ZNF416: variants seen among roughly 807,000 people sequenced by gnomAD.
ZNF416 encodes the protein zinc finger protein 416.
In ZNF416, 5 loss-of-function variants were observed where a neutral mutation model predicts 10.9. That is an observed-to-expected ratio of 0.46 (90% CI 0.24 to 0.97). The LOEUF (loss-of-function observed/expected upper bound fraction) is 0.97. ZNF416 is among the 50% of genes least tolerant of loss of function. ZNF416 has a pLI of 0.19. For synonymous variants in ZNF416, 267 were observed against 251.8 expected, an observed-to-expected ratio of 1.06 and a Z score of -0.57; for missense variants, 675 against 715.0, an observed-to-expected ratio of 0.94 and a Z score of 0.64.
rs377300443 is a variant in ZNF416 at position 57,578,706 on chromosome 19, G to C, written c.-2C>G. ...ATCCCTAAGCACGGCCGCCGCCATC[G>C]GATTGTGAGCGGAGCGGGGCCGGGA... On this transcript the variant is annotated 5_prime_UTR_variant, in exon 1 of 4. Coordinates refer to ENST00000196489, the MANE Select transcript of ZNF416 (RefSeq NM_017879.3). The C allele has an allele frequency of 7.0e-4, 1,084 of 1,540,322 alleles. 5 individuals carry two copies. The highest frequency in any genetic ancestry group is 4.0e-3 in the South Asian group (331 of 82,502).
At position 57,573,102 on chromosome 19, in the gene ZNF416, T is replaced by C; in HGVS notation, c.802A>G (p.Arg268Gly). ...CCACATTCACTGCACTCATAAGGCC[T>C]TTCTCCAGGGTGGACTCTTTGCAGC... ...VQLQRVHPGE[R>G]PYECSECGKS... Residue 268 changes from arginine to glycine, a missense_variant, in exon 4 of 4, where the codon AGG becomes GGG. Physicochemically the swap from Arg to Gly is moderately radical, Grantham distance 125 (BLOSUM62 -2). Transcript: ENST00000196489. 5.6e-6 allele frequency: 9 copies of C among 1,614,260 alleles called. No individual in the cohort carries two copies. The highest frequency in any genetic ancestry group is 7.6e-6 in the Non-Finnish European group (9 of 1,180,050).
At chr19:57,578,526 G>C (rs150430685) in intron 1 of ZNF416, 146 bp downstream of exon 1, 1 of 888,178 alleles carries the variant, frequency 1.1e-6, no homozygotes, top group Non-Finnish European at 1.6e-6. Context: ...ACGACACCAG[G>C]CTTGTAAATG....
Position 57,573,122 on chromosome 19 carries a change from T to C in ZNF416, c.782A>G (p.Gln261Arg). Residue 261 changes from glutamine (Q) to arginine (R), a missense_variant, in exon 4 of 4, where the codon CAA (glutamine) becomes CGA (arginine). Physicochemically the swap from Gln to Arg is conservative, Grantham distance 43. Transcript: ENST00000196489. ...CCCECSLVQL[Q>R]RVHPGERPYE... Reference sequence around the variant, plus strand: ...AGGCCTTTCTCCAGGGTGGACTCTTTGCAGCTGAACAAGGGAGCACTCACA... The same window carrying C: ...AGGCCTTTCTCCAGGGTGGACTCTTCGCAGCTGAACAAGGGAGCACTCACA... The C allele has an allele frequency of 5.0e-6, 8 of 1,614,250 alleles. No individual in the cohort carries two copies. The highest frequency in any genetic ancestry group is 6.8e-6 in the Non-Finnish European group (8 of 1,180,050).
chr19:57,577,198 A>G (rs1978568513), intron 2 of ZNF416, among the ~76,000 whole-genome samples: 1 of 152,182 alleles, frequency 6.6e-6, no homozygotes, highest in Non-Finnish European at 1.5e-5. Context: ...TAAACTATCC[A>G]CTTCATGTCT....
Position 57,572,048 on chromosome 19 carries a change from A to C in ZNF416, c.*71T>G. On this transcript the variant is annotated 3_prime_UTR_variant, in exon 4 of 4. Transcript: ENST00000196489. The surrounding 1 kb of genome is among the most constrained non-coding windows in gnomAD (Gnocchi z 4.5). ...TCCTTCACAAAGGCTCTCTATAGCC[A>C]TAACACTGAAGAAAGACATGGCACA... The C allele has an allele frequency of 1.3e-6, 2 of 1,548,500 alleles. No homozygotes were observed. The highest frequency in any genetic ancestry group is 1.9e-5 in the Admixed American group (1 of 52,898).
intron 1 of ZNF416, chr19:57,578,342 T>C (rs1437731971): frequency 5.1e-6 from 3 of 593,668 alleles, no homozygotes; most frequent in Admixed American, 3.0e-5. Flanking sequence ...TAGAAAAAAT[T>C]TGAAAAGTCT....
Position 57,575,872 on chromosome 19 carries a change from A to G in ZNF416, c.134T>C (p.Leu45Pro), listed in dbSNP as rs955921618. The change falls in exon 3 of 4, where the codon CTT becomes CCT. Residue 45 changes from leucine (L) to proline (P), a missense_variant. Physicochemically the swap from Leu to Pro is moderately conservative, Grantham distance 98. Transcript: ENST00000196489. The surrounding 1 kb of genome is among the most constrained non-coding windows in gnomAD (Gnocchi z 4.4). ...GTACAGGAGCCTCTGAGCCTCATCAAGGAGCCCCCATTCTTCCTGGGAGAA... is the reference window on the plus strand; with the variant it reads ...GTACAGGAGCCTCTGAGCCTCATCAGGGAGCCCCCATTCTTCCTGGGAGAA... ...IYFSQEEWGL[L>P]DEAQRLLYRD... The G allele has an allele frequency of 1.5e-5, 24 of 1,614,168 alleles. No individual in the cohort carries two copies. The highest frequency in any genetic ancestry group is 2.0e-5 in the Non-Finnish European group (24 of 1,180,036).
At position 57,571,977 on chromosome 19, in the gene ZNF416, C is replaced by T; in HGVS notation, c.*142G>A. Reference sequence around the variant, plus strand: ...TGCCTGGAACTAATGGGAGTCTGACCCATCGGGAGGTCTAGAAGTATGAGG... The same window carrying T: ...TGCCTGGAACTAATGGGAGTCTGACTCATCGGGAGGTCTAGAAGTATGAGG... On this transcript the variant is annotated 3_prime_UTR_variant, in exon 4 of 4. Coordinates refer to ENST00000196489, the MANE Select transcript of ZNF416 (RefSeq NM_017879.3). 2 of 1,064,916 alleles carry T rather than the reference C, an allele frequency of 1.9e-6. No individual in the cohort carries two copies. The highest frequency in any genetic ancestry group is 2.7e-6 in the Non-Finnish European group (2 of 734,670). The allele number at this position is 1,064,916 out of a possible 1,614,324, so 66.0% of individuals were successfully genotyped here. A position where few individuals can be genotyped will look rare whatever the true frequency, so the allele number is the denominator to read the frequency against.
Position 57,572,101 on chromosome 19 carries a change from G to T in ZNF416, c.*18C>A. On this transcript the variant is annotated 3_prime_UTR_variant, in exon 4 of 4. Transcript: ENST00000196489. This position sits in a 1 kb window ranked among gnomAD's most constrained non-coding sequence, Gnocchi z 4.5. ...CCCTGCAGGTCTAAGGCTTTTCTCA[G>T]GTTTGGAGTTTCAAGAGTTAAACAA... 1 of 1,601,174 alleles carries T rather than the reference G, an allele frequency of 6.2e-7. No homozygotes were observed. Among genetic ancestry groups the T allele is most frequent in the South Asian group, 1.1e-5 (1 of 90,126 alleles).
At chr19:57,578,368 C>T (rs1051337598) in intron 1 of ZNF416, 3 of 572,080 alleles carry the variant, frequency 5.2e-6, no homozygotes, top group Admixed American at 3.1e-5. Flanking sequence ...AGACCATGTG[C>T]CTCGTCTGTT....
chr19:57,572,263 T>C lies in ZNF416; in HGVS notation c.1641A>G (p.Glu547=). The part of the protein sequence containing the change: ...LIQHQVVHTG[E]RPYECGKCGK... ...CACATTTGCCACACTCATATGGCCT[T>C]TCTCCTGTGTGAACCACTTGGTGTT... is the stretch of plus-strand genomic sequence containing the variant. Residue 547 remains glutamate (E), a synonymous_variant, in exon 4 of 4, where the codon GAA becomes GAG. Coordinates refer to ENST00000196489, the MANE Select transcript of ZNF416 (RefSeq NM_017879.3). The surrounding 1 kb of genome is among the most constrained non-coding windows in gnomAD (Gnocchi z 4.5). The C allele has an allele frequency of 6.2e-7, 1 of 1,614,230 alleles. No homozygotes were observed. Among genetic ancestry groups the C allele is most frequent in the South Asian group, 1.1e-5 (1 of 91,086 alleles).
rs2090199238 is a variant in ZNF416 at position 57,572,478 on chromosome 19, T to C, written c.1426A>G (p.Met476Val). The change falls in exon 4 of 4, where the codon ATG becomes GTG. Residue 476 changes from methionine (M) to valine (V), a missense_variant. Physicochemically the swap from Met to Val is conservative, Grantham distance 21. Coordinates refer to ENST00000196489, the MANE Select transcript of ZNF416 (RefSeq NM_017879.3). This position sits in a 1 kb window ranked among gnomAD's most constrained non-coding sequence, Gnocchi z 4.5. ...YVCGECGKAF[M>V]FKSKLVRHQR... The stretch of plus-strand genomic sequence containing the variant: ...TGCCTAACAAGTTTAGATTTGAACA[T>C]AAAAGCTTTCCCACATTCCCCACAT... 2 of 1,613,890 alleles carry C rather than the reference T, an allele frequency of 1.2e-6. No homozygotes were observed. The highest frequency in any genetic ancestry group is 1.3e-5 in the African/African-American group (1 of 74,896).
At position 57,572,122 on chromosome 19, in the gene ZNF416, A is replaced by C; in HGVS notation, c.1782T>G (p.Val594=). ...CTCAGGTTTGGAGTTTCAAGAGTTA[A>C]ACAATGTTAGATCTTGGGCTGTAGG... ...GKPYSPRSNI[V] The change falls in exon 4 of 4, where the codon GTT becomes GTG. Residue 594 remains valine, a synonymous_variant. Transcript: ENST00000196489. This position sits in a 1 kb window ranked among gnomAD's most constrained non-coding sequence, Gnocchi z 4.5. 6.2e-7 allele frequency: 1 copy of C among 1,607,414 alleles called. No individual in the cohort carries two copies. The highest frequency in any genetic ancestry group is 1.3e-5 in the African/African-American group (1 of 74,888).
At position 57,573,627 on chromosome 19, in the gene ZNF416, T is replaced by A. The variant is rs1272289098; in HGVS notation, c.277A>T (p.Thr93Ser). 2 of 1,614,098 alleles carry A rather than the reference T, an allele frequency of 1.2e-6. No individual in the cohort carries two copies. Among genetic ancestry groups the A allele is most frequent in the East Asian group, 4.5e-5 (2 of 44,886 alleles). The change falls in exon 4 of 4, where the codon ACT (threonine) becomes TCT (serine). Residue 93 changes from threonine to serine, a missense_variant. Thr to Ser is a moderately conservative substitution (Grantham distance 58). Coordinates refer to ENST00000196489, the MANE Select transcript of ZNF416 (RefSeq NM_017879.3). ...TGGGTGGATGGACTGGCCTCTGGAGTCCTGACCTGAGGTACTCCTTCTACA... is the reference window on the plus strand; with the variant it reads ...TGGGTGGATGGACTGGCCTCTGGAGACCTGACCTGAGGTACTCCTTCTACA... The part of the protein sequence containing the change: ...VSVEGVPQVR[T>S]PEASPSTQKI...
chr19:57,571,948 C>G lies in ZNF416; in HGVS notation c.*171G>C. 2.6e-6 allele frequency: 2 copies of G among 783,470 alleles called. No homozygotes were observed. The highest frequency in any genetic ancestry group is 3.8e-5 in the South Asian group (2 of 52,646). 48.5% of individuals were successfully genotyped at this position (783,470 alleles called of 1,614,324 possible). A position where few individuals can be genotyped will look rare whatever the true frequency, so the allele number is the denominator to read the frequency against. On this transcript the variant is annotated 3_prime_UTR_variant, in exon 4 of 4. Coordinates refer to ENST00000196489, the MANE Select transcript of ZNF416 (RefSeq NM_017879.3). ...CATGCAAAGGAGCTCCTGCAAGACACATATGCCTGGAACTAATGGGAGTCT... is the reference window on the plus strand; with the variant it reads ...CATGCAAAGGAGCTCCTGCAAGACAGATATGCCTGGAACTAATGGGAGTCT...
rs747971810 is a variant in ZNF416, at chr19:57,573,594, G to C, written c.310C>G (p.Gln104Glu). 1.9e-6 allele frequency: 3 copies of C among 1,614,214 alleles called. No homozygotes were observed. Among genetic ancestry groups the C allele is most frequent in the African/African-American group, 2.7e-5 (2 of 75,042 alleles). The change falls in exon 4 of 4, where the codon CAA (glutamine) becomes GAA (glutamate). Residue 104 changes from glutamine to glutamate, a missense_variant. Coordinates refer to ENST00000196489, the MANE Select transcript of ZNF416 (RefSeq NM_017879.3). ...PEASPSTQKI[Q>E]SCDMCVPFLT... is the part of the protein sequence containing the mutation. The stretch of plus-strand genomic sequence containing the variant: ...AATGGGACACACATGTCACAGGATT[G>C]AATCTTCTGGGTGGATGGACTGGCC...
In ZNF416 at chr19:57,576,267, T is replaced by C. The variant is rs140447527; in HGVS notation, c.76-337A>G. Reference sequence around the variant, plus strand: ...ATGATGAGGTTTGCCATCATTCTTATATCCTCAATGCCATGGCCATGGGTT... The same window carrying C: ...ATGATGAGGTTTGCCATCATTCTTACATCCTCAATGCCATGGCCATGGGTT... On this transcript the variant is annotated intron_variant, in intron 2 of 3. Coordinates refer to ENST00000196489, the MANE Select transcript of ZNF416 (RefSeq NM_017879.3). 1.8e-3 allele frequency among the ~76,000 whole-genome samples: 270 copies of C among 152,282 alleles called. 2 individuals carry two copies. Among genetic ancestry groups the C allele is most frequent in the African/African-American group, 5.9e-3 (247 of 41,546 alleles).
At position 57,573,416 on chromosome 19, in the gene ZNF416, A is replaced by G; in HGVS notation, c.488T>C (p.Leu163Pro). The change falls in exon 4 of 4, where the codon CTG (leucine) becomes CCG (proline). Residue 163 changes from leucine (L) to proline (P), a missense_variant. Coordinates refer to ENST00000196489, the MANE Select transcript of ZNF416 (RefSeq NM_017879.3). ...MDKASFVQCC[L>P]FHESGMPFTS... ...GAAAGGCATTCCTGACTCATGGAAC[A>G]GGCAGCACTGCACAAATGAGGCCTT... 6.2e-7 allele frequency: 1 copy of G among 1,614,274 alleles called. No individual in the cohort carries two copies. The highest frequency in any genetic ancestry group is 8.5e-7 in the Non-Finnish European group (1 of 1,180,042).
chr19:57,578,111 G>T lies in ZNF416; in HGVS notation c.34-13C>A. 6.2e-7 allele frequency: 1 copy of T among 1,614,194 alleles called. No homozygotes were observed. The highest frequency in any genetic ancestry group is 8.5e-7 in the Non-Finnish European group (1 of 1,180,024). ...CAGTCACGGGAACCTGCGGGAAGAG[G>T]AAGGCTATGAGAGGCAGGTAACTAT... is the stretch of plus-strand genomic sequence containing the variant. On this transcript the variant is annotated splice_polypyrimidine_tract_variant and intron_variant, in intron 1 of 3. Coordinates refer to ENST00000196489, the MANE Select transcript of ZNF416 (RefSeq NM_017879.3).
Sources: gnomAD v4.1 joint callset for allele counts (sites outside exome capture counted in the v4.1 genomes callset) on GRCh38, gnomAD v4.1.1 for gene constraint, Gnocchi (gnomAD v3.1) non-coding constraint, MANE v1.5 for transcripts, NCBI Gene and HGNC (gene_info 2026-07-23, HGNC 2026-07-21) for gene names.